The following TNFAIP8 variants were observed in gnomAD, a reference collection of about 807,000 sequenced individuals.
TNFAIP8 encodes the protein tumor necrosis factor alpha-induced protein 8.
TNFAIP8 carries 7 observed loss-of-function variants against 13.3 expected under a neutral mutation model. The ratio of observed to expected loss-of-function variants is 0.52; its 90% CI spans 0.30 to 0.99. The LOEUF (loss-of-function observed/expected upper bound fraction) is 0.99, where lower values mean the gene tolerates loss of function less well. Among genes scored for constraint, TNFAIP8 ranks in the 50% least tolerant of loss-of-function variants. TNFAIP8 has a pLI of 0.07. For synonymous variants in TNFAIP8, 94 were observed against 87.6 expected, an observed-to-expected ratio of 1.07 and a Z score of -0.41; for missense variants, 258 against 236.9, an observed-to-expected ratio of 1.09 and a Z score of -0.58.
intron 1 of TNFAIP8, among the ~76,000 whole-genome samples, chr5:119,382,413 A>G (rs900925117): frequency 6.6e-6 from 1 of 152,172 alleles, no homozygotes; most frequent in Admixed American, 6.5e-5. Context: ...CTTATACATT[A>G]TACACACTCA....
intron 1 of TNFAIP8, among the ~76,000 whole-genome samples, chr5:119,291,286 A>T (rs759427844): frequency 2.0e-5 from 3 of 152,238 alleles, no homozygotes; most frequent in Non-Finnish European, 4.4e-5. Flanking sequence ...TGGGTGCCCA[A>T]TAACTACCTG....
chr5:119,377,431 T>A (rs2112829842), intron 1 of TNFAIP8, among the ~76,000 whole-genome samples: 1 of 152,000 alleles, frequency 6.6e-6, no homozygotes, highest in South Asian at 2.1e-4. Context: ...AAATAAAAAT[T>A]TGTTGGAGAA....
chr5:119,391,283 T>G, intron 1 of TNFAIP8: 1 of 668,346 alleles, frequency 1.5e-6, no homozygotes, highest in Non-Finnish European at 2.7e-6. Flanking sequence ...ATATAATCAT[T>G]GATGCCTTGA....
intron 1 of TNFAIP8, among the ~76,000 whole-genome samples, chr5:119,290,113 T>A (rs933116117): frequency 2.0e-5 from 3 of 152,204 alleles, no homozygotes; most frequent in African/African-American, 7.2e-5. Flanking sequence ...AAGAAAAATG[T>A]TAGGACAGAA....
At chr5:119,303,653 A>T (rs1035175080) in intron 1 of TNFAIP8, among the ~76,000 whole-genome samples, 9 of 152,216 alleles carry the variant, frequency 5.9e-5, no homozygotes, top group African/African-American at 2.2e-4. Flanking sequence ...AATAAAAACA[A>T]GTTGAATTCA....
intron 1 of TNFAIP8, among the ~76,000 whole-genome samples, chr5:119,302,851 A>C (rs1045080104): frequency 2.0e-5 from 3 of 152,202 alleles, no homozygotes; most frequent in Non-Finnish European, 4.4e-5. Context: ...TCTCTGCCCT[A>C]ATTTTGCATC....
intron 1 of TNFAIP8, among the ~76,000 whole-genome samples, chr5:119,281,078 C>T (rs1748611495): frequency 6.6e-6 from 1 of 152,024 alleles, no homozygotes; most frequent in South Asian, 2.1e-4. Flanking sequence ...TGTTAGTTTC[C>T]TGCTCTTTGA....
At chr5:119,308,062 C>T (rs73252330) in intron 1 of TNFAIP8, among the ~76,000 whole-genome samples, 8,449 of 152,114 alleles carry the variant, frequency 0.056, 511 homozygotes, top group African/African-American at 0.15. Flanking sequence ...TATTCTAACC[C>T]CTGTAATTTA....
In TNFAIP8 at chr5:119,394,248, T is replaced by TAC. The variant is rs1753011680; in HGVS notation, c.*869_*870dup. 6.6e-6 allele frequency: 1 copy of TAC among 152,220 alleles called. No homozygotes were observed. The highest frequency in any genetic ancestry group is 2.4e-5 in the African/African-American group (1 of 41,442). The allele number at this position is 152,220 out of a possible 1,614,324, so 9.4% of individuals were successfully genotyped here. A position where few individuals can be genotyped will look rare whatever the true frequency, so the allele number is the denominator to read the frequency against. ...TTAAGAAAGGTAACAATCTTCATTC[T>TAC]ACAGATGAACTCATTGAAACAATTT... On this transcript the variant is annotated 3_prime_UTR_variant, in exon 2 of 2. Transcript: ENST00000504771.
intron 1 of TNFAIP8, chr5:119,333,060 T>C (rs1750432723): frequency 3.1e-6 from 1 of 318,648 alleles, no homozygotes; most frequent in Non-Finnish European, 4.5e-6. Context: ...TTTTATTTTC[T>C]TTTTTTCAGG....
chr5:119,289,505 C>A (rs940159202), intron 1 of TNFAIP8, among the ~76,000 whole-genome samples: 1 of 152,152 alleles, frequency 6.6e-6, no homozygotes, highest in African/African-American at 2.4e-5. Context: ...TTGGAGAATT[C>A]AGAAGAAATC....
At position 119,397,688 on chromosome 5, in the gene TNFAIP8, A is replaced by G. The variant is rs1753106902; in HGVS notation, c.*4307A>G. On this transcript the variant is annotated 3_prime_UTR_variant, in exon 2 of 2. Transcript: ENST00000504771. ...AAAATATTGAAGCATTAACCAGAAA[A>G]TGAGTCAGCTTTTTGTTTCCAAAAT... is the stretch of plus-strand genomic sequence containing the variant. 1 of 152,224 alleles carries G rather than the reference A, an allele frequency of 6.6e-6. No individual in the cohort carries two copies. The highest frequency in any genetic ancestry group is 1.5e-5 in the Non-Finnish European group (1 of 68,036). 9.4% of individuals were successfully genotyped at this position (152,224 alleles called of 1,614,324 possible).
At chr5:119,369,071 T>TTTTTTTA (rs1751979081) in intron 1 of TNFAIP8, among the ~76,000 whole-genome samples, 1 of 149,946 alleles carries the variant, frequency 6.7e-6, no homozygotes, top group African/African-American at 2.5e-5. Context: ...TTTTTTTTTT[T>TTTTTTTA]GAGAGGGAAT....
chr5:119,292,685 T>TATATACACAC lies in TNFAIP8; in HGVS notation c.1+23779_1+23780insTATACACACA, dbSNP rs1470227218. 9.6e-5 allele frequency among the ~76,000 whole-genome samples: 5 copies of TATATACACAC among 52,334 alleles called. No homozygotes were observed. In the South Asian group the frequency reaches 2.7e-3, roughly 28 times the overall value. 34.3% of individuals were successfully genotyped at this position (52,334 alleles called of 152,430 possible). A position where few individuals can be genotyped will look rare whatever the true frequency, so the allele number is the denominator to read the frequency against. On this transcript the variant is annotated intron_variant, in intron 1 of 1. Transcript: ENST00000274456. ...ATATATATATATATATATATATATA[T>TATATACACAC]ACACACACACACAATGAAATACTAT... is the stretch of plus-strand genomic sequence containing the variant.
intron 1 of TNFAIP8, among the ~76,000 whole-genome samples, chr5:119,388,816 G>GT (rs1362771946): frequency 4.9e-4 from 59 of 119,762 alleles, no homozygotes; most frequent in Admixed American, 2.2e-3. Context: ...TTTTTTTTGA[G>GT]TTTTTTTTGT....
intron 1 of TNFAIP8, among the ~76,000 whole-genome samples, chr5:119,317,059 T>C (rs1480798872): frequency 6.6e-6 from 1 of 152,188 alleles, no homozygotes; most frequent in African/African-American, 2.4e-5. Context: ...TAATAGCATG[T>C]AGAACTTTAC....
intron 1 of TNFAIP8, among the ~76,000 whole-genome samples, chr5:119,283,347 G>T (rs966058187): frequency 3.3e-5 from 5 of 152,204 alleles, no homozygotes; most frequent in African/African-American, 1.2e-4. Flanking sequence ...ATCAAGGAGT[G>T]ATAGGCTAGG....
At chr5:119,270,197 C>G (rs1748236862) in intron 1 of TNFAIP8, among the ~76,000 whole-genome samples, 1 of 152,268 alleles carries the variant, frequency 6.6e-6, no homozygotes, top group South Asian at 2.1e-4. Context: ...TGATAAATCA[C>G]TGTAAGTGCT....
intron 1 of TNFAIP8, among the ~76,000 whole-genome samples, chr5:119,281,302 A>ACTCT (rs1748618082): frequency 3.4e-5 from 1 of 28,992 alleles, no homozygotes; most frequent in Admixed American, 4.9e-4. Flanking sequence ...ACACACACAC[A>ACTCT]CACACTCTCT....
Sources: gnomAD v4.1 joint callset for allele counts (sites outside exome capture counted in the v4.1 genomes callset) on GRCh38, gnomAD v4.1.1 for gene constraint, MANE v1.5 for transcripts, NCBI Gene and HGNC (gene_info 2026-07-23, HGNC 2026-07-21) for gene names.